Variants in KLHL1 observed in about 807,000 individuals in gnomAD.
KLHL1 encodes kelch like family member 1, also known as kelch-like protein 1.
A neutral mutation model predicts 77.7 loss-of-function variants in KLHL1; 47 were observed. That is an observed-to-expected ratio of 0.60 (90% confidence interval 0.48 to 0.77). The LOEUF is 0.77. Among genes scored for constraint, KLHL1 ranks in the 30% least tolerant of loss-of-function variants. The pLI, the probability that KLHL1 is intolerant of heterozygous loss-of-function variation, is 0.00. For missense variants in KLHL1, 925 were observed against 910.8 expected, an observed-to-expected ratio of 1.02 and a Z score of -0.20; for synonymous variants, 360 against 325.2, an observed-to-expected ratio of 1.11 and a Z score of -1.15.
rs1481959950 is a variant in KLHL1, at chr13:69,796,845, A to G, written c.1532T>C (p.Ile511Thr). ...VAVIDDKLFVIGGRDGLKTLN... is the reference protein window; with the variant it reads ...VAVIDDKLFVTGGRDGLKTLN... ...TGTCTTTAAGCCATCTCGACCTCCA[A>G]TTACAAAGAGTTTGTCATCAATAAC... The change falls in exon 7 of 11, where the codon ATT becomes ACT. Residue 511 changes from isoleucine (I) to threonine (T), a missense_variant. Coordinates refer to ENST00000377844, the MANE Select transcript of KLHL1 (RefSeq NM_020866.3). 5.0e-6 allele frequency: 8 copies of G among 1,614,070 alleles called. No homozygotes were observed. Among genetic ancestry groups the G allele is most frequent in the South Asian group, 2.2e-5 (2 of 91,082 alleles).
intron 3 of KLHL1, among the ~76,000 whole-genome samples, chr13:69,943,125 G>A (rs548156707): frequency 3.1e-4 from 47 of 151,912 alleles, no homozygotes; most frequent in Non-Finnish European, 5.7e-4. Context: ...CACCGTATAG[G>A]TGATCTTGTA....
intron 1 of KLHL1, among the ~76,000 whole-genome samples, chr13:70,037,989 C>T (rs949390627): frequency 2.6e-5 from 4 of 152,060 alleles, no homozygotes; most frequent in African/African-American, 9.7e-5. Context: ...TTTTTCTGTA[C>T]TTTCATTCCA....
chr13:69,858,725 T>A (rs1163103403), intron 5 of KLHL1, among the ~76,000 whole-genome samples: 1 of 152,080 alleles, frequency 6.6e-6, no homozygotes, highest in East Asian at 1.9e-4. Context: ...ATATTCAATG[T>A]ACTGAAGATA....
Position 69,973,940 on chromosome 13 carries a change from T to C in KLHL1, c.680+1680A>G, listed in dbSNP as rs1884468319. 3.3e-5 allele frequency among the ~76,000 whole-genome samples: 5 copies of C among 152,128 alleles called. No individual in the cohort carries two copies. In the South Asian group the frequency reaches 1.0e-3, roughly 31 times the overall value. On this transcript the variant is annotated intron_variant, in intron 2 of 10. Transcript: ENST00000377844. The stretch of plus-strand genomic sequence containing the variant: ...CAGAAACCACCAACCAACCTCTAAC[T>C]AGGCTCTTGCCCCGCTTTAACCAAT...
rs1566488074 is a variant in KLHL1, at chr13:70,001,397, T to C, written c.498-25595A>G. Among the ~76,000 whole-genome samples the C allele has an allele frequency of 2.0e-5, 3 of 151,252 alleles. No individual in the cohort carries two copies. In the East Asian group the frequency reaches 5.8e-4, roughly 29 times the overall value. ...AAATAGAAGTATTTCCACCTCATTA[T>C]GAGCCTAGTACAATTCAATTTCAAC... On this transcript the variant is annotated intron_variant, in intron 1 of 10. Coordinates refer to ENST00000377844, the MANE Select transcript of KLHL1 (RefSeq NM_020866.3).
At chr13:69,722,567 C>A (rs1258407226) in intron 8 of KLHL1, among the ~76,000 whole-genome samples, 1 of 151,802 alleles carries the variant, frequency 6.6e-6, no homozygotes, top group African/African-American at 2.4e-5. Context: ...ACAGCACTAA[C>A]CATCAGAGAA....
intron 7 of KLHL1, among the ~76,000 whole-genome samples, chr13:69,744,756 ATTAT>A (rs1874136646): frequency 6.6e-6 from 1 of 151,942 alleles, no homozygotes. Context: ...AATTTAAAAA[ATTAT>A]TTAAAGTTGT....
chr13:69,706,175 TC>T (rs1346507431), intron 10 of KLHL1, among the ~76,000 whole-genome samples: 1 of 151,756 alleles, frequency 6.6e-6, no homozygotes, highest in African/African-American at 2.4e-5. Flanking sequence ...CATACAGTGC[TC>T]TCTGAATAAG....
intron 1 of KLHL1, among the ~76,000 whole-genome samples, chr13:70,041,327 T>G (rs1370241672): frequency 6.6e-6 from 1 of 152,182 alleles, no homozygotes; most frequent in Non-Finnish European, 1.5e-5. Flanking sequence ...CCAGGTGTTA[T>G]AAATTTTCTA....
chr13:69,727,480 G>C (rs1285238131), intron 8 of KLHL1, among the ~76,000 whole-genome samples: 1 of 152,074 alleles, frequency 6.6e-6, no homozygotes, highest in African/African-American at 2.4e-5. Context: ...AAAGGGGTGT[G>C]GACAATCTAG....
intron 8 of KLHL1, among the ~76,000 whole-genome samples, chr13:69,720,509 A>C (rs1402618051): frequency 6.6e-6 from 1 of 152,126 alleles, no homozygotes; most frequent in Admixed American, 6.6e-5. Flanking sequence ...GATAGACAGA[A>C]TATACAAAGT....
intron 7 of KLHL1, among the ~76,000 whole-genome samples, chr13:69,796,006 T>C (rs1393834680): frequency 1.3e-5 from 2 of 152,180 alleles, no homozygotes; most frequent in Non-Finnish European, 2.9e-5. Flanking sequence ...TCCCTCTGGG[T>C]TGCACTACTT....
chr13:69,767,516 C>A (rs1197527177), intron 7 of KLHL1, among the ~76,000 whole-genome samples: 1 of 151,936 alleles, frequency 6.6e-6, no homozygotes, highest in Admixed American at 6.6e-5. Context: ...GGGTAACATA[C>A]CGAGAACCTG....
chr13:69,790,867 T>TG (rs1876838872), intron 7 of KLHL1, among the ~76,000 whole-genome samples: 1 of 152,216 alleles, frequency 6.6e-6, no homozygotes, highest in Non-Finnish European at 1.5e-5. Context: ...CTGGTCAACA[T>TG]GGGGAAATCC....
intron 1 of KLHL1, among the ~76,000 whole-genome samples, chr13:70,073,322 A>T (rs1480377667): frequency 3.3e-5 from 5 of 151,930 alleles, no homozygotes; most frequent in Non-Finnish European, 7.4e-5. Flanking sequence ...AAAACCAAAC[A>T]CCACATGTTC....
chr13:69,878,346 T>C (rs1287952702), intron 5 of KLHL1, among the ~76,000 whole-genome samples: 4 of 152,104 alleles, frequency 2.6e-5, no homozygotes, highest in African/African-American at 4.8e-5. Context: ...GGTGAGGAAT[T>C]TTGTAAGCAG....
At chr13:70,088,994 T>C (rs1160797071) in intron 1 of KLHL1, among the ~76,000 whole-genome samples, 2 of 152,182 alleles carry the variant, frequency 1.3e-5, no homozygotes, top group African/African-American at 2.4e-5. Flanking sequence ...CAGTACCTTC[T>C]AGAAAATCAG....
chr13:69,957,489 C>T (rs78327620), intron 3 of KLHL1, among the ~76,000 whole-genome samples: 3 of 151,644 alleles, frequency 2.0e-5, no homozygotes, highest in Admixed American at 6.6e-5. Context: ...TGATTTACAA[C>T]GAGGATAGCA....
At chr13:70,020,346 T>C (rs1334456610) in intron 1 of KLHL1, among the ~76,000 whole-genome samples, 3 of 152,158 alleles carry the variant, frequency 2.0e-5, no homozygotes, top group Non-Finnish European at 4.4e-5. Flanking sequence ...TATGTATATA[T>C]AGCTAATTCT....
Sources: gnomAD v4.1 joint callset for allele counts (sites outside exome capture counted in the v4.1 genomes callset) on GRCh38, gnomAD v4.1.1 for gene constraint, MANE v1.5 for transcripts, NCBI Gene and HGNC (gene_info 2026-07-23, HGNC 2026-07-21) for gene names.